The following RNF214 variants were observed in gnomAD, a reference collection of about 807,000 sequenced individuals.
RNF214 encodes ring finger protein 214.
RNF214 carries 25 observed loss-of-function variants against 75.9 expected under a neutral mutation model. The observed-to-expected ratio is 0.33, with a 90% CI of 0.24 to 0.46. RNF214 has a LOEUF of 0.46. RNF214 is among the 20% of genes least tolerant of loss of function. RNF214 has a pLI of 1.00. For synonymous variants in RNF214, 314 were observed against 308.8 expected, an observed-to-expected ratio of 1.02 and a Z score of -0.18; for missense variants, 725 against 857.5, an observed-to-expected ratio of 0.85 and a Z score of 1.93.
chr11:117,259,332 A>ATTTATTTATT (rs2033603204), intron 6 of RNF214, among the ~76,000 whole-genome samples: 2 of 152,318 alleles, frequency 1.3e-5, no homozygotes, highest in South Asian at 4.1e-4. Context: ...ATCATGTAGT[A>ATTTATTTATT]GTTTCCAGAT....
intron 10 of RNF214, 38 bp downstream of exon 10, chr11:117,281,736 T>TGTTG: frequency 6.5e-7 from 1 of 1,548,850 alleles, no homozygotes. Context: ...CACCTTTCTG[T>TGTTG]GTTGGTAGCA....
chr11:117,284,045 T>C (rs2034189530), intron 14 of RNF214, among the ~76,000 whole-genome samples: 1 of 152,234 alleles, frequency 6.6e-6, no homozygotes, highest in South Asian at 2.1e-4. Flanking sequence ...CTCAGCTTTT[T>C]ACCCCATTCC....
intron 6 of RNF214, among the ~76,000 whole-genome samples, chr11:117,251,433 CCCCCCCACCTCCCT>C: frequency 9.5e-6 from 1 of 105,042 alleles, no homozygotes; most frequent in East Asian, 3.1e-4. Flanking sequence ...GGGGGGCTGA[CCCCCCCACCTCCCT>C]CCCGGACGGG....
intron 6 of RNF214, among the ~76,000 whole-genome samples, chr11:117,265,298 A>G (rs1489445484): frequency 6.6e-6 from 1 of 152,216 alleles, no homozygotes. Flanking sequence ...GACATCATAA[A>G]AAAAGACTAC....
At chr11:117,259,468 T>G (rs189226364) in intron 6 of RNF214, among the ~76,000 whole-genome samples, 2 of 152,354 alleles carry the variant, frequency 1.3e-5, no homozygotes, top group Non-Finnish European at 2.9e-5. Context: ...GGTAGATGTA[T>G]GAACAGTTTT....
In RNF214 at chr11:117,285,236, C is replaced by G; in HGVS notation, c.*85C>G. ...AGATTTCTAAAACTCTATATTTATACAGTGACATATACTCATGCCATGTAC... is the reference window on the plus strand; with the variant it reads ...AGATTTCTAAAACTCTATATTTATAGAGTGACATATACTCATGCCATGTAC... On this transcript the variant is annotated 3_prime_UTR_variant, in exon 15 of 15. Transcript: ENST00000300650. 1.1e-6 allele frequency: 1 copy of G among 884,884 alleles called. No homozygotes were observed. The highest frequency in any genetic ancestry group is 1.9e-6 in the Non-Finnish European group (1 of 521,670). 54.8% of individuals were successfully genotyped at this position (884,884 alleles called of 1,614,324 possible). A position where few individuals can be genotyped will look rare whatever the true frequency, so the allele number is the denominator to read the frequency against.
At chr11:117,266,637 G>A (rs1366640538) in intron 6 of RNF214, among the ~76,000 whole-genome samples, 5 of 151,988 alleles carry the variant, frequency 3.3e-5, no homozygotes, top group Non-Finnish European at 5.9e-5. Flanking sequence ...TGGGATTACA[G>A]GTGTGAGTCA....
chr11:117,277,501 C>G (rs547150032), intron 6 of RNF214, among the ~76,000 whole-genome samples: 1 of 152,218 alleles, frequency 6.6e-6, no homozygotes, highest in South Asian at 2.1e-4. Flanking sequence ...CACACACACA[C>G]ACACACCCTC....
At chr11:117,246,297 G>A (rs2033223667) in intron 5 of RNF214, among the ~76,000 whole-genome samples, 1 of 151,220 alleles carries the variant, frequency 6.6e-6, no homozygotes, top group Non-Finnish European at 1.5e-5. Context: ...AAAAAAAAGT[G>A]TGCGTTTGTA....
intron 6 of RNF214, among the ~76,000 whole-genome samples, chr11:117,252,795 C>T (rs918441785): frequency 1.3e-5 from 2 of 152,192 alleles, no homozygotes; most frequent in African/African-American, 4.8e-5. Context: ...GCTGGGATTA[C>T]AGGCATGAGC....
intron 6 of RNF214, among the ~76,000 whole-genome samples, chr11:117,248,912 T>A (rs1244507464): frequency 6.6e-6 from 1 of 152,114 alleles, no homozygotes; most frequent in Non-Finnish European, 1.5e-5. Context: ...AATTTCCTTT[T>A]GATGTGTGTT....
chr11:117,254,265 A>C (rs748683755), intron 6 of RNF214, among the ~76,000 whole-genome samples: 1 of 152,040 alleles, frequency 6.6e-6, no homozygotes, highest in Non-Finnish European at 1.5e-5. Flanking sequence ...AAAAAAAAAC[A>C]AAGTGCATGC....
intron 6 of RNF214, among the ~76,000 whole-genome samples, chr11:117,253,861 TA>T (rs1255599387): frequency 5.9e-5 from 9 of 151,984 alleles, no homozygotes; most frequent in African/African-American, 1.9e-4. Context: ...TTTTCTTCTT[TA>T]AAAAAAATTC....
chr11:117,252,190 A>C (rs1207230837), intron 6 of RNF214, among the ~76,000 whole-genome samples: 1 of 152,176 alleles, frequency 6.6e-6, no homozygotes, highest in East Asian at 1.9e-4. Flanking sequence ...TTTTCAGTAG[A>C]TTACTTGGGC....
chr11:117,282,561 A>C, intron 12 of RNF214, 25 bp downstream of exon 12: 1 of 1,612,192 alleles, frequency 6.2e-7, no homozygotes, highest in Non-Finnish European at 8.5e-7. Flanking sequence ...TTGGGAGAGA[A>C]CTTAGGCATG....
intron 6 of RNF214, among the ~76,000 whole-genome samples, chr11:117,275,114 C>G (rs2033989912): frequency 6.6e-6 from 1 of 152,116 alleles, no homozygotes; most frequent in African/African-American, 2.4e-5. Context: ...AAGAGGAACT[C>G]TCAAACCTAT....
intron 6 of RNF214, among the ~76,000 whole-genome samples, chr11:117,267,793 A>G (rs2033827782): frequency 6.6e-6 from 1 of 152,152 alleles, no homozygotes; most frequent in Non-Finnish European, 1.5e-5. Context: ...CCATTTGTTG[A>G]AAAGATTATC....
At chr11:117,241,922 A>C (rs866054344) in intron 4 of RNF214, among the ~76,000 whole-genome samples, 38 of 152,274 alleles carry the variant, frequency 2.5e-4, no homozygotes, top group African/African-American at 9.1e-4. Flanking sequence ...ATACAGTGGG[A>C]TCTCTCAGTA....
At chr11:117,277,454 G>T (rs983425827) in intron 6 of RNF214, among the ~76,000 whole-genome samples, 4 of 152,206 alleles carry the variant, frequency 2.6e-5, no homozygotes, top group African/African-American at 9.7e-5. Flanking sequence ...TACCTTGTCA[G>T]TAGAGGGCTG....
Sources: allele counts gnomAD v4.1 joint callset (sites outside exome capture counted in the v4.1 genomes callset), GRCh38; gene constraint gnomAD v4.1.1; transcripts MANE v1.5; gene names NCBI Gene and HGNC (gene_info 2026-07-23, HGNC 2026-07-21).